Variants in MUSK observed in about 807,000 individuals in gnomAD.
The protein encoded by MUSK is muscle associated receptor tyrosine kinase.
MUSK carries 55 observed loss-of-function variants against 88.7 expected under a neutral mutation model. The observed-to-expected ratio is 0.62, with a 90% CI of 0.50 to 0.78. The LOEUF is 0.78. Among genes scored for constraint, MUSK ranks in the 30% least tolerant of loss-of-function variants. The pLI is 0.00. For missense variants in MUSK, 1,015 were observed against 1,074.3 expected (o/e 0.94, Z 0.77); for synonymous variants, 387 against 391.9 (o/e 0.99, Z 0.15).
intron 14 of MUSK, among the ~76,000 whole-genome samples, chr9:110,799,910 C>T (rs2078065195): frequency 6.6e-6 from 1 of 152,066 alleles, no homozygotes; most frequent in Admixed American, 6.5e-5. Context: ...GGTCAGGGTT[C>T]AACCATGGTG....
At chr9:110,757,583 T>C (rs751794503) in intron 7 of MUSK, among the ~76,000 whole-genome samples, 3 of 152,314 alleles carry the variant, frequency 2.0e-5, no homozygotes, top group Non-Finnish European at 2.9e-5. Context: ...TTGTTACATA[T>C]TGTTGTGACT....
chr9:110,708,311 G>A (rs1051798864), intron 5 of MUSK, among the ~76,000 whole-genome samples: 4 of 152,038 alleles, frequency 2.6e-5, no homozygotes, highest in African/African-American at 7.2e-5. Flanking sequence ...TTTTTCCTTT[G>A]TTTATGCTGC....
At chr9:110,719,179 C>T (rs1161827805) in intron 5 of MUSK, among the ~76,000 whole-genome samples, 3 of 151,922 alleles carry the variant, frequency 2.0e-5, no homozygotes, top group African/African-American at 7.2e-5. Flanking sequence ...ACAACAACAA[C>T]AACAACAAGG....
At chr9:110,694,385 CAAAAAAAAAAAAA>C (rs796590211) in intron 3 of MUSK, among the ~76,000 whole-genome samples, 2 of 51,760 alleles carry the variant, frequency 3.9e-5, no homozygotes, top group East Asian at 1.5e-3. Context: ...GACTCCGTCT[CAAAAAAAAAAAAA>C]AAAAAAAACA....
At chr9:110,739,777 A>T (rs2077074269) in intron 6 of MUSK, among the ~76,000 whole-genome samples, 1 of 152,178 alleles carries the variant, frequency 6.6e-6, no homozygotes. Context: ...CCTTAAGGAG[A>T]TGGGTGCATG....
At position 110,800,844 on chromosome 9, in the gene MUSK, C is replaced by T; in HGVS notation, c.2466C>T (p.Ser822=). The T allele has an allele frequency of 6.2e-7, 1 of 1,609,916 alleles. No individual in the cohort carries two copies. Among genetic ancestry groups the T allele is most frequent in the Non-Finnish European group, 8.5e-7 (1 of 1,177,056 alleles). Residue 822 remains serine (S), a synonymous_variant, in exon 15 of 15, where the codon TCC becomes TCT. Coordinates refer to ENST00000374448, the MANE Select transcript of MUSK (RefSeq NM_005592.4). ...ACGTGCGAGATGGCAACATCCTCTC[C>T]TGCCCTGAGAACTGCCCCGTGGAGC... ...IYYVRDGNIL[S]CPENCPVELY...
At chr9:110,690,315 T>G (rs1378006505) in intron 3 of MUSK, among the ~76,000 whole-genome samples, 2 of 101,454 alleles carry the variant, frequency 2.0e-5, no homozygotes, top group African/African-American at 8.4e-5. Flanking sequence ...AGTATAAATA[T>G]AGAAATATAT....
chr9:110,679,181 C>CACTATGTTACACTA (rs1322059815), intron 1 of MUSK, among the ~76,000 whole-genome samples: 1 of 151,904 alleles, frequency 6.6e-6, no homozygotes, highest in Non-Finnish European at 1.5e-5. Context: ...TGAAGGAGAT[C>CACTATGTTACACTA]TCTTAAAGGG....
intron 1 of MUSK, 150 bp downstream of exon 1, chr9:110,669,133 T>C: frequency 1.3e-6 from 1 of 750,508 alleles, no homozygotes; most frequent in Non-Finnish European, 2.4e-6. Flanking sequence ...GAGGAAATTA[T>C]ATACATAAGC....
At chr9:110,691,099 G>C (rs997083362) in intron 3 of MUSK, among the ~76,000 whole-genome samples, 1 of 151,606 alleles carries the variant, frequency 6.6e-6, no homozygotes. Context: ...TCCTAACCTT[G>C]AGTAATCTGC....
At chr9:110,708,371 G>A (rs561772210) in intron 5 of MUSK, among the ~76,000 whole-genome samples, 9 of 152,118 alleles carry the variant, frequency 5.9e-5, no homozygotes, top group South Asian at 2.1e-4. Flanking sequence ...AAACCCCACC[G>A]TGTGCTGTGC....
chr9:110,746,099 C>T (rs1036809722), intron 6 of MUSK, among the ~76,000 whole-genome samples: 4 of 152,184 alleles, frequency 2.6e-5, no homozygotes, highest in African/African-American at 7.2e-5. Context: ...CTCTTTCAGC[C>T]AAGCAGCCAA....
Position 110,747,702 on chromosome 9 carries a change from T to A in MUSK, c.815T>A (p.Leu272Gln), listed in dbSNP as rs1157131907. The A allele has an allele frequency of 9.9e-6, 16 of 1,613,814 alleles. No homozygotes were observed. Among genetic ancestry groups the A allele is most frequent in the Non-Finnish European group, 1.4e-5 (16 of 1,179,776 alleles). The change falls in exon 7 of 15, where the codon CTG becomes CAG. Residue 272 changes from leucine (L) to glutamine (Q), a missense_variant. Physicochemically the swap from Leu to Gln is moderately radical, Grantham distance 113. Transcript: ENST00000374448. ...KDRVIDSRLQLFITKPGLYTC... is the reference protein window; with the variant it reads ...KDRVIDSRLQQFITKPGLYTC... ...CGAGTGATTGACTCAAGACTGCAGC[T>A]GTTTATCACCAAGCCAGGACTCTAC...
In MUSK at chr9:110,803,068, T is replaced by C. The variant is rs569507106; in HGVS notation, c.*2080T>C. On this transcript the variant is annotated 3_prime_UTR_variant, in exon 15 of 15. Transcript: ENST00000374448. ...TGGCTTATTTTAGATGGTTCATGTA[T>C]GCTCTGCAAAATTCAAAGACAGCTT... Among the ~76,000 whole-genome samples the C allele has an allele frequency of 2.6e-4, 40 of 152,238 alleles. No homozygotes were observed. The highest frequency in any genetic ancestry group is 5.0e-4 in the Non-Finnish European group (34 of 68,042).
chr9:110,749,801 GC>G (rs919670468), intron 7 of MUSK, among the ~76,000 whole-genome samples: 253 of 150,234 alleles, frequency 1.7e-3, no homozygotes, highest in African/African-American at 5.8e-3. Flanking sequence ...ATGGCAGTGG[GC>G]TAGAAGGATG....
chr9:110,764,243 G>T (rs1277740828), intron 8 of MUSK, among the ~76,000 whole-genome samples: 1 of 152,220 alleles, frequency 6.6e-6, no homozygotes, highest in African/African-American at 2.4e-5. Flanking sequence ...TGCCCCATCA[G>T]CAGTACCACG....
rs1359437866 is a variant in MUSK at position 110,689,541 on chromosome 9, A to AGTTATATAT, written c.358+2274_358+2282dup. On this transcript the variant is annotated intron_variant, in intron 3 of 14. Coordinates refer to ENST00000374448, the MANE Select transcript of MUSK (RefSeq NM_005592.4). ...TATATACAACTATATATAAATATAT[A>AGTTATATAT]GTTATATATATTTATATATTATATA... Among the ~76,000 whole-genome samples the AGTTATATAT allele has an allele frequency of 6.3e-4, 67 of 106,966 alleles. 2 individuals are homozygous for AGTTATATAT. In the South Asian group the frequency reaches 0.015, roughly 23 times the overall value. 70.2% of individuals were successfully genotyped at this position (106,966 alleles called of 152,430 possible).
rs188721095 is a variant in MUSK at position 110,753,301 on chromosome 9, G to A, written c.913+5501G>A. On this transcript the variant is annotated intron_variant, in intron 7 of 14. Transcript: ENST00000374448. ...ACAAAAATTAGCCAGGTATGGTGAC[G>A]CATGCCTGTAATCCCAGCTACTTGG... Among the ~76,000 whole-genome samples the A allele has an allele frequency of 1.6e-4, 25 of 152,136 alleles. 1 individual carries two copies. The highest frequency in any genetic ancestry group is 5.3e-4 in the African/African-American group (22 of 41,524).
At chr9:110,767,339 T>G (rs1196270489) in intron 8 of MUSK, among the ~76,000 whole-genome samples, 1 of 152,208 alleles carries the variant, frequency 6.6e-6, no homozygotes, top group Non-Finnish European at 1.5e-5. Context: ...TGCAAAGATG[T>G]ATATGTTGTC....
Sources: gnomAD v4.1 joint callset for allele counts (sites outside exome capture counted in the v4.1 genomes callset) on GRCh38, gnomAD v4.1.1 for gene constraint, MANE v1.5 for transcripts, NCBI Gene and HGNC (gene_info 2026-07-23, HGNC 2026-07-21) for gene names.